Variants in TNR observed in about 807,000 individuals in gnomAD.
The protein encoded by TNR is tenascin-R.
In TNR, 45 loss-of-function variants were observed where a neutral mutation model predicts 150.4. The ratio of observed to expected loss-of-function variants is 0.30; its 90% CI spans 0.24 to 0.38. The LOEUF (loss-of-function observed/expected upper bound fraction) is 0.38, where lower values mean the gene tolerates loss of function less well. TNR is among the 10% of genes least tolerant of loss of function. The probability of loss-of-function intolerance (pLI) is 1.00; values close to 1 mark genes in which losing one functional copy is unlikely to be tolerated. For missense variants in TNR, 1,544 were observed against 1,759.1 expected, an observed-to-expected ratio of 0.88 and a Z score of 2.19; for synonymous variants, 687 against 678.4, an observed-to-expected ratio of 1.01 and a Z score of -0.20.
intron 4 of TNR, among the ~76,000 whole-genome samples, chr1:175,401,872 G>T (rs907769058): frequency 6.6e-6 from 1 of 152,238 alleles, no homozygotes; most frequent in African/African-American, 2.4e-5. Flanking sequence ...ATCCCAGTGG[G>T]CTCTCTGAGC....
intron 2 of TNR, among the ~76,000 whole-genome samples, chr1:175,492,010 C>T (rs1310508757): frequency 9.5e-6 from 1 of 105,554 alleles, no homozygotes; most frequent in Non-Finnish European, 1.9e-5. Context: ...TTAAAAGTTT[C>T]ATGAAGGAAG....
At chr1:175,376,622 A>G (rs1652400149) in intron 9 of TNR, among the ~76,000 whole-genome samples, 1 of 152,160 alleles carries the variant, frequency 6.6e-6, no homozygotes, top group Non-Finnish European at 1.5e-5. Context: ...TTTTAGAGCC[A>G]GAGTCAAACT....
Position 175,386,113 on chromosome 1 carries a change from G to C in TNR, c.1696C>G (p.Pro566Ala). The change falls in exon 8 of 23, where the codon CCT (proline) becomes GCT (alanine). Residue 566 changes from proline to alanine, a missense_variant. Pro to Ala is a conservative substitution (Grantham distance 27). Coordinates refer to ENST00000367674, the MANE Select transcript of TNR (RefSeq NM_003285.3). Reference protein sequence around the residue: ...LSQYSVQALRPGSRYEVSVSA... With the variant: ...LSQYSVQALRAGSRYEVSVSA... ...ACTGACACCTCGTATCGGGAGCCAG[G>C]CCGCAGGGCCTGCACTGAGTATTGG... 6.2e-7 allele frequency: 1 copy of C among 1,612,894 alleles called. No individual in the cohort carries two copies. The highest frequency in any genetic ancestry group is 8.5e-7 in the Non-Finnish European group (1 of 1,179,050).
chr1:175,617,188 C>T lies in TNR; in HGVS notation c.-164-88819G>A, dbSNP rs948978696. 4.6e-5 allele frequency among the ~76,000 whole-genome samples: 7 copies of T among 152,196 alleles called. No individual in the cohort carries two copies. The South Asian group carries it at 6.2e-4, about 14-fold the overall frequency. On this transcript the variant is annotated intron_variant, in intron 1 of 22. Transcript: ENST00000367674. ...CCAGGACCGTGCTTGCTGCCATATT[C>T]GCTGAGAGTTTTCTGATACCGGAAC...
rs1454141207 is a variant in TNR, at chr1:175,317,227, T to C, written c.*6130A>G. 1 of 152,212 alleles carries C rather than the reference T, an allele frequency of 6.6e-6. No homozygotes were observed. Among genetic ancestry groups the C allele is most frequent in the Admixed American group, 6.5e-5 (1 of 15,290 alleles). The allele number at this position is 152,212 out of a possible 1,614,324, so 9.4% of individuals were successfully genotyped here. ...TGCTATTTATCTTAGTGTTCATTTG[T>C]GGAGAATCAAATTAAAAAGCCTATA... On this transcript the variant is annotated 3_prime_UTR_variant, in exon 23 of 23. Transcript: ENST00000367674.
chr1:175,503,899 G>A (rs1658843510), intron 2 of TNR, among the ~76,000 whole-genome samples: 1 of 152,168 alleles, frequency 6.6e-6, no homozygotes. Flanking sequence ...TCGAAGCCAG[G>A]CCAAATTGTG....
chr1:175,465,249 C>T (rs1656982310), intron 2 of TNR, among the ~76,000 whole-genome samples: 1 of 152,164 alleles, frequency 6.6e-6, no homozygotes, highest in African/African-American at 2.4e-5. Flanking sequence ...GTTTCCTTAT[C>T]TATCAAATGG....
intron 1 of TNR, among the ~76,000 whole-genome samples, chr1:175,620,644 A>G (rs1327900952): frequency 6.6e-6 from 1 of 152,190 alleles, no homozygotes; most frequent in African/African-American, 2.4e-5. Flanking sequence ...AGCAGTGGCG[A>G]GTAGGTGGTT....
chr1:175,663,938 G>A (rs1436176507), intron 1 of TNR, among the ~76,000 whole-genome samples: 1 of 152,286 alleles, frequency 6.6e-6, no homozygotes, highest in East Asian at 1.9e-4. Context: ...CTTGGAGATG[G>A]CCTGTCCAGA....
chr1:175,656,456 C>T (rs1010733101), intron 1 of TNR: 4 of 152,276 alleles, frequency 2.6e-5, no homozygotes, highest in Non-Finnish European at 4.4e-5. Context: ...TCAGCCAGCT[C>T]AGCCCAGCTC....
At chr1:175,735,856 A>G (rs1667756134) in intron 1 of TNR, among the ~76,000 whole-genome samples, 1 of 152,200 alleles carries the variant, frequency 6.6e-6, no homozygotes, top group African/African-American at 2.4e-5. Flanking sequence ...TAAGGCTCAA[A>G]TTAATTTCAG....
At chr1:175,425,263 T>C (rs1571420855) in intron 2 of TNR, among the ~76,000 whole-genome samples, 1 of 152,192 alleles carries the variant, frequency 6.6e-6, no homozygotes, top group Admixed American at 6.5e-5. Flanking sequence ...AGTCTGAGTG[T>C]ACTAGCTGTG....
At position 175,366,023 on chromosome 1, in the gene TNR, G is replaced by T. The variant is rs200975023; in HGVS notation, c.2169C>A (p.Ser723=). The change falls in exon 11 of 23, where the codon TCC becomes TCA. Residue 723 remains serine, a synonymous_variant. Coordinates refer to ENST00000367674, the MANE Select transcript of TNR (RefSeq NM_003285.3). ...IDHYRITFTP[S]SGIASEVTVP... The stretch of plus-strand genomic sequence containing the variant: ...CGGTGACTTCTGAGGCAATCCCAGA[G>T]GATGGGGTAAAGGTAATTCGGTAGT... 3.1e-6 allele frequency: 5 copies of T among 1,614,058 alleles called. No homozygotes were observed. The Admixed American group carries it at 6.7e-5, about 22-fold the overall frequency.
intron 1 of TNR, among the ~76,000 whole-genome samples, chr1:175,578,552 A>G (rs1199600423): frequency 2.0e-5 from 3 of 152,172 alleles, no homozygotes; most frequent in African/African-American, 7.2e-5. Context: ...AGATCGATGC[A>G]GGAACAGTGG....
At chr1:175,456,547 T>G (rs1240638438) in intron 2 of TNR, among the ~76,000 whole-genome samples, 1 of 152,240 alleles carries the variant, frequency 6.6e-6, no homozygotes, top group Non-Finnish European at 1.5e-5. Context: ...AGTAGTTGAC[T>G]GGCCTCCTTA....
At chr1:175,650,281 G>A (rs988612009) in intron 1 of TNR, among the ~76,000 whole-genome samples, 3 of 152,074 alleles carry the variant, frequency 2.0e-5, no homozygotes, top group African/African-American at 7.3e-5. Flanking sequence ...TACTTGGGAG[G>A]CTGAGGCACG....
intron 18 of TNR, among the ~76,000 whole-genome samples, chr1:175,347,408 T>TTTTG (rs765213837): frequency 6.6e-6 from 1 of 152,106 alleles, no homozygotes; most frequent in Non-Finnish European, 1.5e-5. Flanking sequence ...AAATAGGCTT[T>TTTTG]TTTGTTTGTT....
chr1:175,628,629 C>A (rs1664230615), intron 1 of TNR, among the ~76,000 whole-genome samples: 1 of 151,978 alleles, frequency 6.6e-6, no homozygotes, highest in African/African-American at 2.4e-5. Context: ...AACCCAGTGT[C>A]ACTGGGTTTG....
At chr1:175,572,529 G>C (rs1024784156) in intron 1 of TNR, among the ~76,000 whole-genome samples, 1 of 151,982 alleles carries the variant, frequency 6.6e-6, no homozygotes, top group Admixed American at 6.6e-5. Context: ...CCTTTGATGC[G>C]GGTCACATCA....
Sources: allele counts gnomAD v4.1 joint callset (sites outside exome capture counted in the v4.1 genomes callset), GRCh38; gene constraint gnomAD v4.1.1; transcripts MANE v1.5; gene names NCBI Gene and HGNC (gene_info 2026-07-23, HGNC 2026-07-21).